GALNT18: variants seen among roughly 807,000 people sequenced by gnomAD.
GALNT18 encodes polypeptide N-acetylgalactosaminyltransferase 18, also known as GalNAc-transferase 18.
GALNT18 carries 44 observed loss-of-function variants against 69.5 expected under a neutral mutation model. The observed-to-expected ratio is 0.63, with a 90% CI of 0.50 to 0.81. The LOEUF (loss-of-function observed/expected upper bound fraction) is 0.81, where lower values mean the gene tolerates loss of function less well. GALNT18 is among the 40% of genes least tolerant of loss of function. GALNT18 has a pLI of 0.00. For missense variants in GALNT18, 715 were observed against 810.0 expected (o/e 0.88, Z 1.42); for synonymous variants, 364 against 318.2 (o/e 1.14, Z -1.53).
rs531878796 is a variant in GALNT18 at position 11,586,815 on chromosome 11, A to AAC, written c.235+34542_235+34543dup. 1.1e-3 allele frequency among the ~76,000 whole-genome samples: 79 copies of AAC among 72,694 alleles called. 1 individual carries two copies. Among genetic ancestry groups the AAC allele is most frequent in the African/African-American group, 2.9e-3 (75 of 25,540 alleles). The allele number at this position is 72,694 out of a possible 152,430, so 47.7% of individuals were successfully genotyped here. A position where few individuals can be genotyped will look rare whatever the true frequency, so the allele number is the denominator to read the frequency against. ...ATGGTTAAACACCATCTCTACTAAA[A>AAC]ACACACACACACACACACAAAAAAA... On this transcript the variant is annotated intron_variant, in intron 1 of 10. Transcript: ENST00000227756. This position sits in a 1 kb window ranked among gnomAD's most constrained non-coding sequence, Gnocchi z 4.1.
At chr11:11,295,205 G>A (rs935180913) in intron 9 of GALNT18, among the ~76,000 whole-genome samples, 8 of 152,152 alleles carry the variant, frequency 5.3e-5, no homozygotes, top group African/African-American at 1.9e-4. Context: ...GGGAGGGGGT[G>A]AAGGGCAGGC....
intron 1 of GALNT18, among the ~76,000 whole-genome samples, chr11:11,474,329 A>C (rs1407782840): frequency 3.3e-5 from 5 of 152,220 alleles, no homozygotes; most frequent in Admixed American, 3.3e-4. Flanking sequence ...GGGGGCTCAA[A>C]GAACCAAAAT....
At position 11,340,496 on chromosome 11, in the gene GALNT18, T is replaced by C. The variant is rs973593993; in HGVS notation, c.1278+323A>G. On this transcript the variant is annotated intron_variant, in intron 7 of 10. Transcript: ENST00000227756. The surrounding 1 kb of genome is among the most constrained non-coding windows in gnomAD (Gnocchi z 4.2). ...TAATCCAGGACCATGAAACATCTAA[T>C]GTCAGAGAAGCTGAGGACCTGGGAG... Among the ~76,000 whole-genome samples, 5 of 152,332 alleles carry C rather than the reference T, an allele frequency of 3.3e-5. No individual in the cohort carries two copies. Among genetic ancestry groups the C allele is most frequent in the Non-Finnish European group, 7.4e-5 (5 of 68,026 alleles).
At chr11:11,425,954 G>T (rs1315795750) in intron 3 of GALNT18, among the ~76,000 whole-genome samples, 9 of 152,356 alleles carry the variant, frequency 5.9e-5, no homozygotes. Context: ...CCCAGCTAAA[G>T]ACATTGGTCC....
intron 3 of GALNT18, among the ~76,000 whole-genome samples, chr11:11,388,088 C>G (rs754179397): frequency 9.2e-5 from 14 of 152,230 alleles, no homozygotes; most frequent in Non-Finnish European, 1.5e-4. Flanking sequence ...GGTTCAGGCA[C>G]ACAGTGTTAC....
Position 11,511,818 on chromosome 11 carries a change from G to T in GALNT18, c.236-62882C>A, listed in dbSNP as rs1035670938. Among the ~76,000 whole-genome samples, 1 of 152,080 alleles carries T rather than the reference G, an allele frequency of 6.6e-6. No individual in the cohort carries two copies. Among genetic ancestry groups the T allele is most frequent in the Non-Finnish European group, 1.5e-5 (1 of 68,012 alleles). On this transcript the variant is annotated intron_variant, in intron 1 of 10. Coordinates refer to ENST00000227756, the MANE Select transcript of GALNT18 (RefSeq NM_198516.3). This position sits in a 1 kb window ranked among gnomAD's most constrained non-coding sequence, Gnocchi z 4.9. ...TTGGCAGTAAACAACCCAGAAGAGGGCCCTCACCAGACCCGGACCACACTG... is the reference window on the plus strand; with the variant it reads ...TTGGCAGTAAACAACCCAGAAGAGGTCCCTCACCAGACCCGGACCACACTG...
rs946846818 is a variant in GALNT18 at position 11,338,455 on chromosome 11, G to A, written c.1278+2364C>T. On this transcript the variant is annotated intron_variant, in intron 7 of 10. Coordinates refer to ENST00000227756, the MANE Select transcript of GALNT18 (RefSeq NM_198516.3). This position sits in a 1 kb window ranked among gnomAD's most constrained non-coding sequence, Gnocchi z 5.3. ...GAGGGGAGGTCGGGGTGGGAAGGAG[G>A]GCTTGTGATTGACTGGGACAGGGCA... is the stretch of plus-strand genomic sequence containing the variant. Among the ~76,000 whole-genome samples the A allele has an allele frequency of 2.0e-5, 3 of 152,092 alleles. No homozygotes were observed. Among genetic ancestry groups the A allele is most frequent in the Non-Finnish European group, 4.4e-5 (3 of 68,028 alleles).
At chr11:11,295,147 CCTTCACGGCAGATT>C (rs983956886) in intron 9 of GALNT18, among the ~76,000 whole-genome samples, 4 of 152,156 alleles carry the variant, frequency 2.6e-5, no homozygotes, top group Non-Finnish European at 4.4e-5. Flanking sequence ...TAAGCGTGGT[CCTTCACGGCAGATT>C]CTTCCTGAAG....
intron 10 of GALNT18, among the ~76,000 whole-genome samples, chr11:11,289,057 G>A (rs1463405561): frequency 1.3e-5 from 2 of 152,086 alleles, no homozygotes; most frequent in Non-Finnish European, 2.9e-5. Flanking sequence ...GGATCTGAAT[G>A]CAATTTGCAA....
rs1856882866 is a variant in GALNT18 at position 11,497,281 on chromosome 11, A to G, written c.236-48345T>C. 6.6e-6 allele frequency among the ~76,000 whole-genome samples: 1 copy of G among 150,706 alleles called. No homozygotes were observed. On this transcript the variant is annotated intron_variant, in intron 1 of 10. Transcript: ENST00000227756. The surrounding 1 kb of genome is among the most constrained non-coding windows in gnomAD (Gnocchi z 4.2). ...TGTTTTCCTCATAGCATATACCATT[A>G]CTTAAAATTATCCTACTTATTATTT...
At chr11:11,458,975 G>C (rs767638725) in intron 1 of GALNT18, among the ~76,000 whole-genome samples, 7 of 152,196 alleles carry the variant, frequency 4.6e-5, no homozygotes, top group Non-Finnish European at 1.0e-4. Context: ...GATGGAGCCA[G>C]TGTTTGCGTT....
chr11:11,424,158 C>T (rs1011508587), intron 3 of GALNT18, among the ~76,000 whole-genome samples: 6 of 152,232 alleles, frequency 3.9e-5, no homozygotes, highest in African/African-American at 9.6e-5. Flanking sequence ...CAGCCATCAC[C>T]TGCACCCAAG....
Position 11,497,732 on chromosome 11 carries a change from T to C in GALNT18, c.236-48796A>G, listed in dbSNP as rs907721041. Among the ~76,000 whole-genome samples, 1 of 139,088 alleles carries C rather than the reference T, an allele frequency of 7.2e-6. No individual in the cohort carries two copies. The highest frequency in any genetic ancestry group is 2.7e-5 in the African/African-American group (1 of 37,158). 91.2% of individuals were successfully genotyped at this position (139,088 alleles called of 152,430 possible). ...CTGAAATTGTGCAGATAAATGTGTA[T>C]GTGCATATACATATTTTCTATATAT... On this transcript the variant is annotated intron_variant, in intron 1 of 10. Transcript: ENST00000227756. This position sits in a 1 kb window ranked among gnomAD's most constrained non-coding sequence, Gnocchi z 4.2.
At chr11:11,449,816 A>G (rs1161933534) in intron 1 of GALNT18, among the ~76,000 whole-genome samples, 3 of 152,154 alleles carry the variant, frequency 2.0e-5, no homozygotes, top group African/African-American at 7.2e-5. Flanking sequence ...ATAATACCCA[A>G]CCAGCCTCCA....
intron 3 of GALNT18, among the ~76,000 whole-genome samples, chr11:11,412,010 G>T (rs1854742367): frequency 6.6e-6 from 1 of 152,166 alleles, no homozygotes; most frequent in South Asian, 2.1e-4. Context: ...TTCAAAAAAG[G>T]TAGGGCTTGG....
At chr11:11,276,297 G>A (rs563311943) in intron 10 of GALNT18, among the ~76,000 whole-genome samples, 169 of 151,886 alleles carry the variant, frequency 1.1e-3, no homozygotes, top group Non-Finnish European at 1.8e-3. Context: ...TGTAGCAATT[G>A]TGAATGGGTG....
chr11:11,492,162 C>G (rs1237755651), intron 1 of GALNT18, among the ~76,000 whole-genome samples: 1 of 152,164 alleles, frequency 6.6e-6, no homozygotes. Flanking sequence ...TTTAAGTCAC[C>G]CAGGCATCCT....
In GALNT18 at chr11:11,389,294, C is replaced by A. The variant is rs1208966893; in HGVS notation, c.596-10030G>T. On this transcript the variant is annotated intron_variant, in intron 3 of 10. Coordinates refer to ENST00000227756, the MANE Select transcript of GALNT18 (RefSeq NM_198516.3). This position sits in a 1 kb window ranked among gnomAD's most constrained non-coding sequence, Gnocchi z 4.3. ...GTCAGCTTTGTAGGCTCAACAGAAG[C>A]TCTTCCCCTGGGACCATAACTCCGT... is the stretch of plus-strand genomic sequence containing the variant. Among the ~76,000 whole-genome samples the A allele has an allele frequency of 6.6e-6, 1 of 152,194 alleles. No homozygotes were observed. Among genetic ancestry groups the A allele is most frequent in the African/African-American group, 2.4e-5 (1 of 41,452 alleles).
rs532289030 is a variant in GALNT18, at chr11:11,378,458, G to A, written c.779+623C>T. Reference sequence around the variant, plus strand: ...CAGCCCTGCAGGGAGGTCTGCATCCGCCACTCTATTCCTGGCTGGCTGCAG... The same window carrying A: ...CAGCCCTGCAGGGAGGTCTGCATCCACCACTCTATTCCTGGCTGGCTGCAG... On this transcript the variant is annotated intron_variant, in intron 4 of 10. Coordinates refer to ENST00000227756, the MANE Select transcript of GALNT18 (RefSeq NM_198516.3). 2.6e-5 allele frequency among the ~76,000 whole-genome samples: 4 copies of A among 152,338 alleles called. No individual in the cohort carries two copies. The East Asian group carries it at 5.8e-4, about 22-fold the overall frequency.
Sources: allele counts gnomAD v4.1 joint callset (sites outside exome capture counted in the v4.1 genomes callset), GRCh38; gene constraint gnomAD v4.1.1; non-coding constraint Gnocchi (gnomAD v3.1); transcripts MANE v1.5; gene names NCBI Gene and HGNC (gene_info 2026-07-23, HGNC 2026-07-21).